DOCK8: variants seen among roughly 807,000 people sequenced by gnomAD.
DOCK8 encodes dedicator of cytokinesis protein 8.
DOCK8 carries 141 observed loss-of-function variants against 245.6 expected under a neutral mutation model. The observed-to-expected ratio is 0.57, with a 90% CI of 0.50 to 0.66. The LOEUF (loss-of-function observed/expected upper bound fraction) is 0.66, where lower values mean the gene tolerates loss of function less well. Ranked by LOEUF, DOCK8 falls within the 30% of genes least tolerant of loss-of-function variation. DOCK8 has a pLI of 0.00. For synonymous variants in DOCK8, 1,168 were observed against 970.2 expected, an observed-to-expected ratio of 1.20 and a Z score of -3.79; for missense variants, 2,965 against 2,603.4, an observed-to-expected ratio of 1.14 and a Z score of -3.02.
intron 23 of DOCK8, 34 bp downstream of exon 23, chr9:386,460 G>C: frequency 6.3e-7 from 1 of 1,581,374 alleles, no homozygotes; most frequent in Non-Finnish European, 8.7e-7. Flanking sequence ...TTCATCCCAG[G>C]ATAAGAACAG....
chr9:305,853 A>G (rs1437106294), intron 5 of DOCK8, among the ~76,000 whole-genome samples: 4 of 151,848 alleles, frequency 2.6e-5, no homozygotes. Context: ...CATTATTCAC[A>G]GCAGCCAAAA....
intron 7 of DOCK8, among the ~76,000 whole-genome samples, chr9:325,364 G>C (rs1213923127): frequency 6.6e-6 from 1 of 152,128 alleles, no homozygotes; most frequent in East Asian, 1.9e-4. Context: ...CAATAAGAAG[G>C]TGAATCACAC....
At chr9:292,298 A>G (rs2049073953) in intron 4 of DOCK8, among the ~76,000 whole-genome samples, 1 of 149,404 alleles carries the variant, frequency 6.7e-6, no homozygotes, top group Non-Finnish European at 1.5e-5. Context: ...TGATCCTCTA[A>G]AAATAGCTAA....
chr9:298,384 C>T (rs1177660171), intron 4 of DOCK8, among the ~76,000 whole-genome samples: 8 of 152,156 alleles, frequency 5.3e-5, no homozygotes, highest in Admixed American at 4.6e-4. Context: ...AAGATCATGC[C>T]GCTGTACTCC....
intron 45 of DOCK8, among the ~76,000 whole-genome samples, chr9:450,284 G>T (rs1260228519): frequency 1.3e-5 from 2 of 152,054 alleles, no homozygotes; most frequent in African/African-American, 4.8e-5. Context: ...GTAATTGCAG[G>T]GCTTGAGACT....
intron 5 of DOCK8, among the ~76,000 whole-genome samples, chr9:306,447 A>C (rs955845946): frequency 6.6e-6 from 1 of 152,172 alleles, no homozygotes; most frequent in East Asian, 1.9e-4. Context: ...GTTCCTCTTA[A>C]TGTTAGTCAG....
intron 2 of DOCK8, 58 bp from the exon 3 acceptor site, chr9:286,403 T>C (rs2130289988): frequency 1.3e-6 from 2 of 1,591,788 alleles, no homozygotes; most frequent in Non-Finnish European, 1.7e-6. Context: ...CTATTGCCTT[T>C]GTGCTTTTAC....
In DOCK8 at chr9:223,361, G is replaced by A. The variant is rs563977521; in HGVS notation, c.53+8332G>A. 4.6e-5 allele frequency among the ~76,000 whole-genome samples: 7 copies of A among 152,252 alleles called. No homozygotes were observed. In the South Asian group the frequency reaches 6.2e-4, roughly 14 times the overall value. On this transcript the variant is annotated intron_variant, in intron 1 of 47. Coordinates refer to ENST00000432829, the MANE Select transcript of DOCK8 (RefSeq NM_203447.4). ...AGGATTATTGTGTTCTAAGTGCTGT[G>A]CTAAGCCCCAGAAATACAAAGACAA...
At chr9:389,885 C>T (rs2054110491) in intron 23 of DOCK8, among the ~76,000 whole-genome samples, 1 of 152,024 alleles carries the variant, frequency 6.6e-6, no homozygotes, top group Non-Finnish European at 1.5e-5. Flanking sequence ...ACTAGCTGGG[C>T]TTGGTGGTGC....
At chr9:464,137 C>G (rs1475021195) in intron 47 of DOCK8, 22 bp from the exon 48 acceptor site, 1 of 1,601,856 alleles carries the variant, frequency 6.2e-7, no homozygotes. Flanking sequence ...TCCCTCTCCT[C>G]CCTCTCTTTT....
intron 17 of DOCK8, among the ~76,000 whole-genome samples, chr9:371,871 A>G (rs1017922778): frequency 5.3e-5 from 8 of 152,246 alleles, no homozygotes; most frequent in African/African-American, 1.9e-4. Context: ...TTTGTCCCCC[A>G]AGAAGAAACC....
At chr9:431,132 C>A (rs374496247) in intron 36 of DOCK8, among the ~76,000 whole-genome samples, 10 of 152,074 alleles carry the variant, frequency 6.6e-5, no homozygotes, top group East Asian at 1.9e-4. Context: ...CCTCAGCCCC[C>A]CAAAGTACTG....
chr9:400,190 CCATCACCAT>C (rs2054777791), intron 26 of DOCK8, among the ~76,000 whole-genome samples: 1 of 110,094 alleles, frequency 9.1e-6, no homozygotes, highest in Non-Finnish European at 1.9e-5. Flanking sequence ...ACCTCCTTCA[CCATCACCAT>C]CACCACCACC....
At chr9:377,331 T>C in intron 20 of DOCK8, 120 bp downstream of exon 20, 2 of 1,026,920 alleles carry the variant, frequency 1.9e-6, no homozygotes. Flanking sequence ...ACTGATGATG[T>C]GTGCTCAAGG....
chr9:220,714 TTTC>T (rs1442652915), intron 1 of DOCK8: 5 of 371,312 alleles, frequency 1.3e-5, no homozygotes, highest in Non-Finnish European at 2.5e-5. Flanking sequence ...GTCTAATTTC[TTTC>T]TTTTTTTTTT....
intron 18 of DOCK8, among the ~76,000 whole-genome samples, chr9:373,192 A>C (rs1318124765): frequency 2.0e-5 from 3 of 151,976 alleles, no homozygotes; most frequent in African/African-American, 2.4e-5. Flanking sequence ...AAAATAAATA[A>C]AGGGAGCCCA....
chr9:449,699 G>T (rs2057370195), intron 44 of DOCK8, 85 bp from the exon 45 acceptor site: 2 of 1,573,698 alleles, frequency 1.3e-6, no homozygotes, highest in African/African-American at 1.4e-5. Context: ...TTCAAATTCA[G>T]GTGGCCTCTC....
At chr9:391,928 C>G (rs954813906) in intron 24 of DOCK8, among the ~76,000 whole-genome samples, 1 of 147,996 alleles carries the variant, frequency 6.8e-6, no homozygotes, top group African/African-American at 2.5e-5. Flanking sequence ...CACTTGAAGT[C>G]AAGAGTTCGA....
intron 1 of DOCK8, among the ~76,000 whole-genome samples, chr9:238,446 A>T (rs908792202): frequency 4.6e-5 from 7 of 152,226 alleles, no homozygotes; most frequent in Non-Finnish European, 4.4e-5. Context: ...AAAAGAAAAT[A>T]AAAAGTTAAC....
Sources: gnomAD v4.1 joint callset for allele counts (sites outside exome capture counted in the v4.1 genomes callset) on GRCh38, gnomAD v4.1.1 for gene constraint, MANE v1.5 for transcripts, NCBI Gene and HGNC (gene_info 2026-07-23, HGNC 2026-07-21) for gene names.